Variants in ESYT2 observed in about 807,000 individuals in gnomAD.
ESYT2 encodes extended synaptotagmin 2, also known as extended synaptotagmin-2.
Under a neutral mutation model 107.2 loss-of-function variants are expected in ESYT2, and 54 were observed. The observed-to-expected ratio is 0.50, with a 90% CI of 0.40 to 0.63. The LOEUF is 0.63. Among genes scored for constraint, ESYT2 ranks in the 30% least tolerant of loss-of-function variants. ESYT2 has a pLI of 0.00. For synonymous variants in ESYT2, 491 were observed against 434.1 expected, an observed-to-expected ratio of 1.13 and a Z score of -1.63; for missense variants, 1,020 against 1,094.5, an observed-to-expected ratio of 0.93 and a Z score of 0.96.
intron 6 of ESYT2, among the ~76,000 whole-genome samples, chr7:158,774,364 T>C (rs1197812838): frequency 6.6e-6 from 1 of 152,210 alleles, no homozygotes; most frequent in Non-Finnish European, 1.5e-5. Flanking sequence ...AAATGAGATA[T>C]AAATATAAAA....
intron 16 of ESYT2, among the ~76,000 whole-genome samples, chr7:158,747,013 C>T (rs1407292668): frequency 6.6e-6 from 1 of 151,532 alleles, no homozygotes. Flanking sequence ...GATTACACCA[C>T]TGCACTCCAG....
intron 1 of ESYT2, among the ~76,000 whole-genome samples, chr7:158,803,843 GTC>G (rs1563030958): frequency 6.4e-4 from 76 of 118,412 alleles, no homozygotes; most frequent in African/African-American, 2.2e-3. Context: ...AACCCAAACC[GTC>G]GAGAAGGGTG....
At chr7:158,782,178 AGT>A (rs1193526367) in intron 6 of ESYT2, among the ~76,000 whole-genome samples, 10 of 151,134 alleles carry the variant, frequency 6.6e-5, no homozygotes, top group Admixed American at 1.3e-4. Flanking sequence ...GTGAGGTGTG[AGT>A]GTGAAAGAAC....
At position 158,828,801 on chromosome 7, in the gene ESYT2, G is replaced by A. The variant is rs1334792277; in HGVS notation, c.330+288C>T. On this transcript the variant is annotated intron_variant, in intron 1 of 22. Coordinates refer to ENST00000275418, the MANE Select transcript of ESYT2 (RefSeq NM_001367773.1). Reference sequence around the variant, plus strand: ...ACTCGCCCTAGCGGGCAGGTCGCCAGCAGGCTGGGAGTCGGGGCCGGGGGG... The same window carrying A: ...ACTCGCCCTAGCGGGCAGGTCGCCAACAGGCTGGGAGTCGGGGCCGGGGGG... Among the ~76,000 whole-genome samples the A allele has an allele frequency of 4.1e-4, 62 of 151,414 alleles. No individual in the cohort carries two copies. The East Asian group carries it at 0.012, about 30-fold the overall frequency.
At chr7:158,808,490 T>G (rs1839898844) in intron 1 of ESYT2, among the ~76,000 whole-genome samples, 1 of 152,216 alleles carries the variant, frequency 6.6e-6, no homozygotes, top group Non-Finnish European at 1.5e-5. Context: ...AGCCATTGAG[T>G]GCTTCCTTTA....
At chr7:158,806,133 T>TGTGGGAGGC (rs1584873959) in intron 1 of ESYT2, among the ~76,000 whole-genome samples, 1 of 36,326 alleles carries the variant, frequency 2.8e-5, no homozygotes, top group African/African-American at 7.3e-5. Flanking sequence ...GCGTGGGAGG[T>TGTGGGAGGC]GCCGGGGCAC....
intron 11 of ESYT2, among the ~76,000 whole-genome samples, chr7:158,760,941 T>C (rs1452087964): frequency 2.6e-5 from 4 of 152,220 alleles, no homozygotes; most frequent in East Asian, 1.9e-4. Context: ...TTCAACACTT[T>C]TGTTTAATTT....
chr7:158,826,838 T>A (rs892986355), intron 1 of ESYT2, among the ~76,000 whole-genome samples: 1 of 80,110 alleles, frequency 1.2e-5, no homozygotes, highest in African/African-American at 4.6e-5. Context: ...AAAAAAAAAT[T>A]TCAGTTCTTC....
intron 10 of ESYT2, among the ~76,000 whole-genome samples, chr7:158,761,866 T>C (rs1015361850): frequency 6.6e-6 from 1 of 152,138 alleles, no homozygotes; most frequent in Non-Finnish European, 1.5e-5. Flanking sequence ...CCCTACAATG[T>C]TACATGCATC....
intron 3 of ESYT2, among the ~76,000 whole-genome samples, chr7:158,795,330 T>G (rs1040736257): frequency 1.3e-5 from 2 of 152,390 alleles, no homozygotes; most frequent in African/African-American, 4.8e-5. Context: ...CTCCAAGGAT[T>G]TCCTTATTCA....
At chr7:158,752,318 C>G (rs960202071) in intron 14 of ESYT2, among the ~76,000 whole-genome samples, 2 of 152,176 alleles carry the variant, frequency 1.3e-5, no homozygotes, top group Non-Finnish European at 2.9e-5. Context: ...ATCACCCAAA[C>G]CCAGCAGCAC....
chr7:158,759,656 T>A, intron 12 of ESYT2, 75 bp from the exon 13 acceptor site: 1 of 1,214,920 alleles, frequency 8.2e-7, no homozygotes, highest in South Asian at 1.4e-5. Flanking sequence ...GATTGTATCA[T>A]GTTGATTACG....
At chr7:158,808,601 A>G (rs1839901609) in intron 1 of ESYT2, among the ~76,000 whole-genome samples, 1 of 152,206 alleles carries the variant, frequency 6.6e-6, no homozygotes, top group African/African-American at 2.4e-5. Context: ...AAGGAAAATA[A>G]TTTCATGCTA....
At chr7:158,816,501 CA>C (rs1840152042) in intron 1 of ESYT2, among the ~76,000 whole-genome samples, 1 of 152,324 alleles carries the variant, frequency 6.6e-6, no homozygotes, top group Admixed American at 6.5e-5. Flanking sequence ...GCAAGAAAAG[CA>C]GGAAAAGCTT....
intron 1 of ESYT2, among the ~76,000 whole-genome samples, chr7:158,805,843 A>G (rs1277785007): frequency 6.6e-6 from 1 of 152,266 alleles, no homozygotes; most frequent in African/African-American, 2.4e-5. Context: ...GGTAGTGATC[A>G]TGGTCACTCC....
chr7:158,799,815 AG>A lies in ESYT2; in HGVS notation c.331-744del. ...CCAGGTAGGGCCTGGATACTGGAGA[AG>A]GGTTTGTACAGGAGAAAAGAAACCT... On this transcript the variant is annotated intron_variant, in intron 1 of 22. Coordinates refer to ENST00000275418, the MANE Select transcript of ESYT2 (RefSeq NM_001367773.1). Among the ~76,000 whole-genome samples, 2 of 152,086 alleles carry A rather than the reference AG, an allele frequency of 1.3e-5. 1 individual carries two copies. The highest frequency in any genetic ancestry group is 1.3e-4 in the Admixed American group (2 of 15,268).
At chr7:158,810,370 TA>T (rs1443481375) in intron 1 of ESYT2, among the ~76,000 whole-genome samples, 1 of 152,220 alleles carries the variant, frequency 6.6e-6, no homozygotes, top group African/African-American at 2.4e-5. Context: ...TAATATATGT[TA>T]CACTATCTAG....
At chr7:158,780,251 A>G (rs892005042) in intron 6 of ESYT2, among the ~76,000 whole-genome samples, 4 of 152,228 alleles carry the variant, frequency 2.6e-5, no homozygotes, top group African/African-American at 9.6e-5. Context: ...GCCACACGCC[A>G]GGCTCCAAGC....
Position 158,772,657 on chromosome 7 carries a change from C to T in ESYT2, c.803+684G>A, listed in dbSNP as rs140617081. Among the ~76,000 whole-genome samples the T allele has an allele frequency of 3.3e-5, 5 of 152,278 alleles. No homozygotes were observed. The East Asian group carries it at 5.8e-4, about 18-fold the overall frequency. On this transcript the variant is annotated intron_variant, in intron 7 of 22. Coordinates refer to ENST00000275418, the MANE Select transcript of ESYT2 (RefSeq NM_001367773.1). ...CGCACTGTTTCAGGTAATGGCACCA[C>T]GGCAACTAGAATGACTCCTTGTCTC...
Sources: allele counts gnomAD v4.1 joint callset (sites outside exome capture counted in the v4.1 genomes callset), GRCh38; gene constraint gnomAD v4.1.1; transcripts MANE v1.5; gene names NCBI Gene and HGNC (gene_info 2026-07-23, HGNC 2026-07-21).